The following PPP1R12B variants were observed in gnomAD, a reference collection of about 807,000 sequenced individuals.
PPP1R12B encodes protein phosphatase 1 regulatory subunit 12B, also known as myosin phosphatase target subunit 2.
Under a neutral mutation model 126.1 loss-of-function variants are expected in PPP1R12B, and 76 were observed. That is an observed-to-expected ratio of 0.60 (90% CI 0.50 to 0.73). The LOEUF is 0.73. PPP1R12B is among the 30% of genes least tolerant of loss of function. The probability of loss-of-function intolerance (pLI) is 0.00; values close to 1 mark genes in which losing one functional copy is unlikely to be tolerated. For synonymous variants in PPP1R12B, 356 were observed against 434.7 expected (o/e 0.82, Z 2.25); for missense variants, 1,052 against 1,205.1 (o/e 0.87, Z 1.88).
chr1:202,463,210 A>G, intron 13 of PPP1R12B: 1 of 350,852 alleles, frequency 2.9e-6, no homozygotes, highest in Non-Finnish European at 4.0e-6. Context: ...GGAGAAGGCA[A>G]GTGGTAAGAA....
chr1:202,555,507 A>G (rs1181050599), intron 18 of PPP1R12B, among the ~76,000 whole-genome samples: 2 of 151,774 alleles, frequency 1.3e-5, no homozygotes, highest in South Asian at 4.2e-4. Flanking sequence ...TCACATTTCA[A>G]GAAAAAGTCA....
chr1:202,507,668 A>G (rs1361544044), intron 18 of PPP1R12B, among the ~76,000 whole-genome samples: 1 of 152,232 alleles, frequency 6.6e-6, no homozygotes, highest in Non-Finnish European at 1.5e-5. Context: ...CTGGGACACC[A>G]TCATTACTAT....
intron 20 of PPP1R12B, among the ~76,000 whole-genome samples, 182 bp from the exon 21 acceptor site, chr1:202,564,261 T>C (rs948702724): frequency 2.0e-5 from 3 of 152,210 alleles, no homozygotes; most frequent in Non-Finnish European, 2.9e-5. Context: ...TCTCTTTCTG[T>C]TCATCACTTT....
rs1671338755 is a variant in PPP1R12B at position 202,439,570 on chromosome 1, C to T, written c.1459-1136C>T. On this transcript the variant is annotated intron_variant, in intron 10 of 23. Transcript: ENST00000608999. ...GTGGTCACTCCTGCCAGGAACTGAC[C>T]ACCCAGGTGGCCGCCACCCCCTCTG... 2.1e-6 allele frequency: 3 copies of T among 1,431,820 alleles called. No individual in the cohort carries two copies. The African/African-American group carries it at 4.2e-5, about 20-fold the overall frequency. 88.7% of individuals were successfully genotyped at this position (1,431,820 alleles called of 1,614,324 possible).
At chr1:202,539,383 A>T (rs1281260946) in intron 18 of PPP1R12B, among the ~76,000 whole-genome samples, 1 of 152,128 alleles carries the variant, frequency 6.6e-6, no homozygotes, top group Admixed American at 6.6e-5. Context: ...AGCATTCCTC[A>T]CTGAGCGAAT....
intron 18 of PPP1R12B, among the ~76,000 whole-genome samples, chr1:202,507,051 G>A (rs1289026479): frequency 2.6e-5 from 4 of 152,196 alleles, no homozygotes; most frequent in Non-Finnish European, 5.9e-5. Flanking sequence ...AGTTATCTGA[G>A]TCTAAAACCA....
chr1:202,446,256 A>ATATTTTT (rs376183502), intron 12 of PPP1R12B, among the ~76,000 whole-genome samples: 28 of 54,332 alleles, frequency 5.2e-4, no homozygotes, highest in African/African-American at 1.1e-3. Flanking sequence ...ATATATATAT[A>ATATTTTT]TTTTTTTTTT....
chr1:202,459,419 T>G (rs993912999), intron 13 of PPP1R12B, among the ~76,000 whole-genome samples: 3 of 152,144 alleles, frequency 2.0e-5, no homozygotes, highest in Admixed American at 2.0e-4. Flanking sequence ...TAATAGAGAT[T>G]CAAGGTTTGC....
At chr1:202,360,111 G>A (rs1014393848) in intron 1 of PPP1R12B, among the ~76,000 whole-genome samples, 3 of 152,064 alleles carry the variant, frequency 2.0e-5, no homozygotes, top group Non-Finnish European at 4.4e-5. Flanking sequence ...TGGTGTTAAG[G>A]TGTTCTTTTG....
chr1:202,570,382 C>G (rs1189192455), intron 23 of PPP1R12B, among the ~76,000 whole-genome samples: 1 of 152,108 alleles, frequency 6.6e-6, no homozygotes, highest in African/African-American at 2.4e-5. Flanking sequence ...TCCTGTTACT[C>G]TATAATTCCA....
At chr1:202,526,695 C>T (rs1341993864) in intron 18 of PPP1R12B, among the ~76,000 whole-genome samples, 1 of 151,908 alleles carries the variant, frequency 6.6e-6, no homozygotes, top group Non-Finnish European at 1.5e-5. Flanking sequence ...TCAGGATCAC[C>T]CTAGTAGAAA....
intron 10 of PPP1R12B, among the ~76,000 whole-genome samples, chr1:202,440,335 G>T (rs564198253): frequency 1.3e-5 from 2 of 152,158 alleles, no homozygotes; most frequent in Non-Finnish European, 2.9e-5. Context: ...ATGTACTGGG[G>T]ACTATTGGGG....
chr1:202,395,133 A>AG (rs1398746908), intron 1 of PPP1R12B, among the ~76,000 whole-genome samples: 1 of 151,002 alleles, frequency 6.6e-6, no homozygotes, highest in South Asian at 2.1e-4. Flanking sequence ...AAAAAAAAAA[A>AG]AGAAAGAAAA....
intron 1 of PPP1R12B, among the ~76,000 whole-genome samples, chr1:202,373,580 G>A (rs527996318): frequency 4.7e-4 from 72 of 151,958 alleles, no homozygotes; most frequent in African/African-American, 1.6e-3. Flanking sequence ...AGACCCTTAT[G>A]CCTTCCTTTT....
At chr1:202,362,584 G>C (rs1658403191) in intron 1 of PPP1R12B, among the ~76,000 whole-genome samples, 1 of 151,396 alleles carries the variant, frequency 6.6e-6, no homozygotes, top group African/African-American at 2.4e-5. Flanking sequence ...TCAGTTGAGA[G>C]TGGAGACTGC....
At chr1:202,447,037 A>G (rs923291221) in intron 12 of PPP1R12B, among the ~76,000 whole-genome samples, 2 of 152,208 alleles carry the variant, frequency 1.3e-5, no homozygotes, top group African/African-American at 4.8e-5. Context: ...CAGAAGTACT[A>G]GTTGTCTGCA....
At chr1:202,446,868 G>A (rs573206536) in intron 12 of PPP1R12B, among the ~76,000 whole-genome samples, 42 of 151,642 alleles carry the variant, frequency 2.8e-4, no homozygotes, top group Non-Finnish European at 3.7e-4. Context: ...AGGTTCTTTC[G>A]CTCCACAGTT....
intron 23 of PPP1R12B, among the ~76,000 whole-genome samples, chr1:202,579,638 C>G (rs561547940): frequency 2.0e-4 from 31 of 152,294 alleles, no homozygotes; most frequent in African/African-American, 7.5e-4. Flanking sequence ...AGTTAGACAA[C>G]AGTATGTGTA....
At chr1:202,466,428 T>G (rs556460007) in intron 13 of PPP1R12B, among the ~76,000 whole-genome samples, 66 of 152,274 alleles carry the variant, frequency 4.3e-4, no homozygotes, top group African/African-American at 1.5e-3. Flanking sequence ...CTACCTTTTC[T>G]GATTGCTCCT....
Sources: gnomAD v4.1 joint callset for allele counts (sites outside exome capture counted in the v4.1 genomes callset) on GRCh38, gnomAD v4.1.1 for gene constraint, MANE v1.5 for transcripts, NCBI Gene and HGNC (gene_info 2026-07-23, HGNC 2026-07-21) for gene names.